SPATA6: variants seen among roughly 807,000 people sequenced by gnomAD.
The protein encoded by SPATA6 is spermatogenesis-associated protein 6.
In SPATA6, 56 loss-of-function variants were observed where a neutral mutation model predicts 65.3. The observed-to-expected ratio is 0.86, with a 90% CI of 0.69 to 1.07. The LOEUF (loss-of-function observed/expected upper bound fraction) is 1.07. Among genes scored for constraint, SPATA6 ranks in the 50% least tolerant of loss-of-function variants. SPATA6 has a pLI of 0.00. For missense variants in SPATA6, 590 were observed against 594.8 expected (o/e 0.99, Z 0.08); for synonymous variants, 199 against 213.2 (o/e 0.93, Z 0.58).
chr1:48,323,977 TCTCA>T (rs1173253078), intron 11 of SPATA6, among the ~76,000 whole-genome samples: 1 of 152,170 alleles, frequency 6.6e-6, no homozygotes, highest in Non-Finnish European at 1.5e-5. Flanking sequence ...TGAGATGGGA[TCTCA>T]CTCTGTTGCC....
intron 3 of SPATA6, chr1:48,447,892 G>A (rs913185197): frequency 3.9e-5 from 6 of 152,114 alleles, no homozygotes; most frequent in Non-Finnish European, 7.4e-5. Context: ...ATAGGGCAAA[G>A]TCAGTGGGAA....
intron 9 of SPATA6, among the ~76,000 whole-genome samples, chr1:48,369,419 T>C (rs973369961): frequency 6.6e-6 from 1 of 152,210 alleles, no homozygotes; most frequent in South Asian, 2.1e-4. Flanking sequence ...TGAGCTGTGG[T>C]GGGCTCCACC....
chr1:48,333,666 T>C (rs1003038639), intron 11 of SPATA6, among the ~76,000 whole-genome samples: 4 of 152,140 alleles, frequency 2.6e-5, no homozygotes, highest in African/African-American at 7.2e-5. Flanking sequence ...GGGAAATTTA[T>C]AGCATTAAAT....
At chr1:48,268,795 C>T in the SPATA6 span, among the ~76,000 whole-genome samples, 5 of 152,122 alleles carry the variant, frequency 3.3e-5, no homozygotes, top group Admixed American at 3.3e-4. Context: ...AATAATGACA[C>T]TAAGGCAGCT....
chr1:48,453,399 A>G (rs1430573353), intron 1 of SPATA6, among the ~76,000 whole-genome samples: 2 of 152,250 alleles, frequency 1.3e-5, no homozygotes, highest in African/African-American at 2.4e-5. Flanking sequence ...TGGGACAGAC[A>G]CTAATAGTTT....
Position 48,409,469 on chromosome 1 carries a change from A to G in SPATA6, c.405+1995T>C, listed in dbSNP as rs371301779. On this transcript the variant is annotated intron_variant, in intron 5 of 12. Transcript: ENST00000371847. The stretch of plus-strand genomic sequence containing the variant: ...GGTGCAAGCTGTCAGTAGATCTACC[A>G]TTCTGGGATCTGGAGAATGGTGGCC... 1.5e-4 allele frequency among the ~76,000 whole-genome samples: 23 copies of G among 152,260 alleles called. No individual in the cohort carries two copies. The East Asian group carries it at 1.9e-3, about 13-fold the overall frequency.
intron 3 of SPATA6, among the ~76,000 whole-genome samples, chr1:48,434,949 T>C (rs962329429): frequency 6.6e-6 from 1 of 151,522 alleles, no homozygotes; most frequent in East Asian, 1.9e-4. Context: ...TTTAATATCA[T>C]GGGCATTTAA....
intron 12 of SPATA6, among the ~76,000 whole-genome samples, chr1:48,304,369 TAATC>T (rs905154928): frequency 6.6e-6 from 1 of 152,216 alleles, no homozygotes; most frequent in African/African-American, 2.4e-5. Context: ...ATCAAAAGCT[TAATC>T]AATAACACTG....
intron 3 of SPATA6, among the ~76,000 whole-genome samples, chr1:48,423,511 T>G (rs989805090): frequency 6.7e-6 from 1 of 149,658 alleles, no homozygotes; most frequent in South Asian, 2.1e-4. Flanking sequence ...AGGTATTGAC[T>G]GGTAGGGGCA....
At chr1:48,455,004 A>G (rs1210872635) in intron 1 of SPATA6, among the ~76,000 whole-genome samples, 1 of 152,170 alleles carries the variant, frequency 6.6e-6, no homozygotes, top group Non-Finnish European at 1.5e-5. Flanking sequence ...ATTTGACTCC[A>G]TCTCCCTCTT....
intron 11 of SPATA6, among the ~76,000 whole-genome samples, chr1:48,321,021 A>C (rs1645584271): frequency 6.6e-6 from 1 of 152,160 alleles, no homozygotes; most frequent in African/African-American, 2.4e-5. Flanking sequence ...ATACAACATA[A>C]CACAAAAAAT....
intron 8 of SPATA6, among the ~76,000 whole-genome samples, chr1:48,387,875 T>G (rs955697550): frequency 6.6e-6 from 1 of 152,094 alleles, no homozygotes; most frequent in Non-Finnish European, 1.5e-5. Flanking sequence ...TCAAAAACAA[T>G]GCACACCGCT....
intron 12 of SPATA6, among the ~76,000 whole-genome samples, chr1:48,302,637 G>T (rs1644967588): frequency 6.6e-6 from 1 of 152,098 alleles, no homozygotes; most frequent in African/African-American, 2.4e-5. Context: ...TTATAATTCT[G>T]CCCTGGATTT....
intron 11 of SPATA6, among the ~76,000 whole-genome samples, chr1:48,338,706 T>C (rs1310738369): frequency 6.6e-6 from 1 of 151,974 alleles, no homozygotes; most frequent in Admixed American, 6.6e-5. Context: ...GCCTCAAATA[T>C]ATGAAAGGTT....
At chr1:48,392,405 A>G (rs1650163559) in intron 8 of SPATA6, among the ~76,000 whole-genome samples, 2 of 152,180 alleles carry the variant, frequency 1.3e-5, no homozygotes. Flanking sequence ...AAAAAGTCTC[A>G]TATTACAAGA....
chr1:48,347,665 C>G (rs1243688441), intron 11 of SPATA6, among the ~76,000 whole-genome samples: 1 of 151,732 alleles, frequency 6.6e-6, no homozygotes. Context: ...GTAGTGCTTA[C>G]TATCCCAGAG....
intron 8 of SPATA6, among the ~76,000 whole-genome samples, chr1:48,390,547 G>A (rs1266856769): frequency 1.3e-5 from 2 of 152,090 alleles, no homozygotes; most frequent in African/African-American, 4.8e-5. Context: ...TTTCAAAGTA[G>A]CTGGAAGACA....
intron 9 of SPATA6, among the ~76,000 whole-genome samples, chr1:48,377,673 C>T (rs1010620530): frequency 8.5e-5 from 13 of 152,072 alleles, no homozygotes; most frequent in Non-Finnish European, 1.5e-4. Context: ...AGTGCAGAGA[C>T]GATTTCTAGT....
At chr1:48,348,553 A>C (rs1176877355) in intron 11 of SPATA6, among the ~76,000 whole-genome samples, 1 of 151,820 alleles carries the variant, frequency 6.6e-6, no homozygotes, top group Non-Finnish European at 1.5e-5. Context: ...GCTCCATGTT[A>C]ATCTTGTACT....
Sources: gnomAD v4.1 joint callset for allele counts (sites outside exome capture counted in the v4.1 genomes callset) on GRCh38, gnomAD v4.1.1 for gene constraint, MANE v1.5 for transcripts, NCBI Gene and HGNC (gene_info 2026-07-23, HGNC 2026-07-21) for gene names.